FYN: variants seen among roughly 807,000 people sequenced by gnomAD.
FYN encodes FYN proto-oncogene, Src family tyrosine kinase.
A neutral mutation model predicts 70.2 loss-of-function variants in FYN; 10 were observed. That is an observed-to-expected ratio of 0.14 (90% confidence interval 0.09 to 0.24). The LOEUF (loss-of-function observed/expected upper bound fraction) is 0.24, where lower values mean the gene tolerates loss of function less well. Ranked by LOEUF, FYN falls within the 10% of genes least tolerant of loss-of-function variation. The pLI is 1.00. For missense variants in FYN, 319 were observed against 673.1 expected (o/e 0.47, Z 5.82); for synonymous variants, 236 against 248.6 (o/e 0.95, Z 0.48).
At chr6:111,760,317 TG>T (rs1210407198) in intron 3 of FYN, among the ~76,000 whole-genome samples, 1 of 152,044 alleles carries the variant, frequency 6.6e-6, no homozygotes, top group Non-Finnish European at 1.5e-5. Context: ...ATCCTCTAAT[TG>T]CCTCCACACT....
At chr6:111,705,589 T>C (rs192600564) in intron 6 of FYN, among the ~76,000 whole-genome samples, 1 of 152,188 alleles carries the variant, frequency 6.6e-6, no homozygotes, top group African/African-American at 2.4e-5. Flanking sequence ...TGGCTCATGA[T>C]TGTAATTCCA....
intron 9 of FYN, chr6:111,696,660 G>T: frequency 2.2e-6 from 1 of 454,266 alleles, no homozygotes; most frequent in African/African-American, 2.0e-5. Context: ...TGGCTAAGAT[G>T]GCTATATTAA....
chr6:111,680,927 CTCT>C (rs1798752378), intron 12 of FYN, among the ~76,000 whole-genome samples: 2 of 152,262 alleles, frequency 1.3e-5, no homozygotes, highest in South Asian at 4.1e-4. Flanking sequence ...CCCCTGTGGG[CTCT>C]TCTTCTTGCT....
intron 3 of FYN, among the ~76,000 whole-genome samples, chr6:111,744,856 T>G (rs191628539): frequency 1.2e-3 from 188 of 152,282 alleles, no homozygotes; most frequent in African/African-American, 4.1e-3. Context: ...TCATTAGTGG[T>G]AAGTTTTCAT....
chr6:111,718,861 C>T (rs1800794559), intron 4 of FYN, among the ~76,000 whole-genome samples: 1 of 152,126 alleles, frequency 6.6e-6, no homozygotes, highest in South Asian at 2.1e-4. Context: ...AGATAATGTC[C>T]AAAGGCTCAG....
chr6:111,765,138 C>T (rs1318937985), intron 3 of FYN, among the ~76,000 whole-genome samples: 1 of 152,034 alleles, frequency 6.6e-6, no homozygotes, highest in Non-Finnish European at 1.5e-5. Context: ...AGGAGACCTG[C>T]ACACAGGGTG....
intron 3 of FYN, among the ~76,000 whole-genome samples, chr6:111,747,011 T>A (rs1321821305): frequency 6.6e-6 from 1 of 152,204 alleles, no homozygotes; most frequent in Non-Finnish European, 1.5e-5. Context: ...AATGGTTAGG[T>A]ACATAATTTA....
intron 3 of FYN, among the ~76,000 whole-genome samples, chr6:111,736,497 G>A (rs888109785): frequency 1.3e-5 from 2 of 152,120 alleles, no homozygotes; most frequent in African/African-American, 2.4e-5. Flanking sequence ...TGAGAGCTCC[G>A]ATGGAGCTGC....
At chr6:111,720,186 T>A in intron 3 of FYN, 124 bp from the exon 4 acceptor site, 1 of 1,124,152 alleles carries the variant, frequency 8.9e-7, no homozygotes, top group South Asian at 1.8e-5. Context: ...TTAGGGGGCA[T>A]GAGGAAAGGC....
At chr6:111,823,112 A>G (rs1282686420) in intron 2 of FYN, among the ~76,000 whole-genome samples, 1 of 152,224 alleles carries the variant, frequency 6.6e-6, no homozygotes, top group Non-Finnish European at 1.5e-5. Context: ...TGGGTACAGA[A>G]AAATTCTTGT....
rs565514653 is a variant in FYN at position 111,806,260 on chromosome 6, G to C, written c.-81-25625C>G. 5.9e-5 allele frequency among the ~76,000 whole-genome samples: 9 copies of C among 152,232 alleles called. No homozygotes were observed. In the East Asian group the frequency reaches 1.5e-3, roughly 26 times the overall value. ...ACGTTGGTCAAATATAACCCCAGGG[G>C]CCATAAAGAACCATCTCTCTCTTTC... is the stretch of plus-strand genomic sequence containing the variant. On this transcript the variant is annotated intron_variant, in intron 2 of 13. Coordinates refer to ENST00000354650, the MANE Select transcript of FYN (RefSeq NM_002037.5).
chr6:111,832,080 A>C (rs1773033930), intron 2 of FYN, among the ~76,000 whole-genome samples: 1 of 152,196 alleles, frequency 6.6e-6, no homozygotes, highest in Non-Finnish European at 1.5e-5. Flanking sequence ...ATATCAATTG[A>C]CATTATAATC....
intron 9 of FYN, among the ~76,000 whole-genome samples, chr6:111,697,765 T>C (rs974263875): frequency 4.6e-5 from 7 of 152,258 alleles, no homozygotes; most frequent in Non-Finnish European, 8.8e-5. Flanking sequence ...TGTTGTCTTG[T>C]GTTTATTGGA....
chr6:111,792,813 T>G (rs571480752), intron 2 of FYN, among the ~76,000 whole-genome samples: 1 of 152,184 alleles, frequency 6.6e-6, no homozygotes, highest in East Asian at 1.9e-4. Flanking sequence ...ATAAAGTTCA[T>G]AATAGATAAA....
At chr6:111,765,803 A>C (rs1803208419) in intron 3 of FYN, among the ~76,000 whole-genome samples, 1 of 151,560 alleles carries the variant, frequency 6.6e-6, no homozygotes, top group Non-Finnish European at 1.5e-5. Context: ...TCCTTGCAGC[A>C]GATTAGACTT....
chr6:111,706,662 TA>T (rs1287162047), intron 6 of FYN, among the ~76,000 whole-genome samples: 3 of 152,228 alleles, frequency 2.0e-5, no homozygotes, highest in African/African-American at 4.8e-5. Context: ...ATTGCATATG[TA>T]AAACCGAAGG....
rs565658588 is a variant in FYN at position 111,784,406 on chromosome 6, G to C, written c.-81-3771C>G. Reference sequence around the variant, plus strand: ...AATCATATGAGGGACAAGGCAGTAGGTCCAGAGATCAAAGCCATAGTTGAG... The same window carrying C: ...AATCATATGAGGGACAAGGCAGTAGCTCCAGAGATCAAAGCCATAGTTGAG... On this transcript the variant is annotated intron_variant, in intron 2 of 13. Coordinates refer to ENST00000354650, the MANE Select transcript of FYN (RefSeq NM_002037.5). Among the ~76,000 whole-genome samples, 10 of 152,306 alleles carry C rather than the reference G, an allele frequency of 6.6e-5. No homozygotes were observed. The East Asian group carries it at 1.9e-3, about 29-fold the overall frequency.
Position 111,779,161 on chromosome 6 carries a change from G to T in FYN, c.-12+1405C>A, listed in dbSNP as rs568191818. ...TTTTTTTTTTTGCTAGCAGGGGATT[G>T]GGCCAGACAACCCTTGAAGCCATGT... On this transcript the variant is annotated intron_variant, in intron 3 of 13. Coordinates refer to ENST00000354650, the MANE Select transcript of FYN (RefSeq NM_002037.5). Among the ~76,000 whole-genome samples, 4 of 111,510 alleles carry T rather than the reference G, an allele frequency of 3.6e-5. No homozygotes were observed. In the East Asian group the frequency reaches 1.1e-3, roughly 31 times the overall value. The allele number at this position is 111,510 out of a possible 152,430, so 73.2% of individuals were successfully genotyped here. A position where few individuals can be genotyped will look rare whatever the true frequency, so the allele number is the denominator to read the frequency against.
chr6:111,711,571 T>C (rs1800381080), intron 5 of FYN, among the ~76,000 whole-genome samples: 1 of 152,130 alleles, frequency 6.6e-6, no homozygotes, highest in Non-Finnish European at 1.5e-5. Flanking sequence ...ACGGTGTATG[T>C]TGTACTTTAA....
Sources: gnomAD v4.1 joint callset for allele counts (sites outside exome capture counted in the v4.1 genomes callset) on GRCh38, gnomAD v4.1.1 for gene constraint, MANE v1.5 for transcripts, NCBI Gene and HGNC (gene_info 2026-07-23, HGNC 2026-07-21) for gene names.